The following PRR16 variants were observed in gnomAD, a reference collection of about 807,000 sequenced individuals.
PRR16 encodes the protein protein Largen.
A neutral mutation model predicts 18.2 loss-of-function variants in PRR16; 6 were observed. The ratio of observed to expected loss-of-function variants is 0.33; its 90% CI spans 0.18 to 0.65. The LOEUF is 0.65. PRR16 is among the 30% of genes least tolerant of loss of function. PRR16 has a pLI of 0.74. For synonymous variants in PRR16, 151 were observed against 147.8 expected (o/e 1.02, Z -0.16); for missense variants, 412 against 376.6 (o/e 1.09, Z -0.78).
chr5:120,626,305 T>G (rs1461381025), intron 1 of PRR16, among the ~76,000 whole-genome samples: 1 of 152,034 alleles, frequency 6.6e-6, no homozygotes, highest in African/African-American at 2.4e-5. Flanking sequence ...TGACACATGC[T>G]CCAACATGGA....
chr5:120,510,600 A>G (rs564796104), intron 1 of PRR16, among the ~76,000 whole-genome samples: 1 of 152,308 alleles, frequency 6.6e-6, no homozygotes, highest in South Asian at 2.1e-4. Flanking sequence ...AACTATCGGT[A>G]GCAGCCTACA....
chr5:120,535,564 C>T (rs1224845866), intron 1 of PRR16, among the ~76,000 whole-genome samples: 1 of 152,112 alleles, frequency 6.6e-6, no homozygotes, highest in African/African-American at 2.4e-5. Flanking sequence ...CTTTGGGAGG[C>T]CAAAGCGGGA....
intron 1 of PRR16, among the ~76,000 whole-genome samples, chr5:120,639,867 T>C (rs1755363836): frequency 6.6e-6 from 1 of 151,862 alleles, no homozygotes; most frequent in Non-Finnish European, 1.5e-5. Context: ...TTGTTCATAA[T>C]AGCAAAGACA....
In PRR16 at chr5:120,629,130, C is replaced by T. The variant is rs184816543; in HGVS notation, c.160-56824C>T. 1.6e-3 allele frequency among the ~76,000 whole-genome samples: 239 copies of T among 152,030 alleles called. 1 individual carries two copies. The highest frequency in any genetic ancestry group is 1.5e-3 in the Non-Finnish European group (102 of 67,930). Reference sequence around the variant, plus strand: ...CTCCCACTTATGAGTAAGAACATGTCGTATTTGGTTTCCTATTTCTATGTT... The same window carrying T: ...CTCCCACTTATGAGTAAGAACATGTTGTATTTGGTTTCCTATTTCTATGTT... On this transcript the variant is annotated intron_variant, in intron 1 of 1. Coordinates refer to ENST00000407149, the MANE Select transcript of PRR16 (RefSeq NM_001300783.2).
chr5:120,702,552 C>A, the PRR16 span, among the ~76,000 whole-genome samples: 9 of 152,208 alleles, frequency 5.9e-5, no homozygotes, highest in South Asian at 1.7e-3. Flanking sequence ...GGCGTCCCTG[C>A]GTGGTCTGAC....
Position 120,484,698 on chromosome 5 carries a change from A to G in PRR16, c.159+20053A>G, listed in dbSNP as rs1295615883. Among the ~76,000 whole-genome samples the G allele has an allele frequency of 4.0e-5, 6 of 148,300 alleles. No homozygotes were observed. In the East Asian group the frequency reaches 9.8e-4, roughly 24 times the overall value. On this transcript the variant is annotated intron_variant, in intron 1 of 1. Coordinates refer to ENST00000407149, the MANE Select transcript of PRR16 (RefSeq NM_001300783.2). ...CCTAAAAACTGGAACCTTCAGAAAC[A>G]TGGGATTTTCAGAGTATATCATTTT...
chr5:120,773,307 A>C, the PRR16 span, among the ~76,000 whole-genome samples: 4 of 152,164 alleles, frequency 2.6e-5, no homozygotes, highest in African/African-American at 9.6e-5. Context: ...CTCATATGGC[A>C]GCTCTGGTCT....
At chr5:120,473,229 C>T (rs78257855) in intron 1 of PRR16, among the ~76,000 whole-genome samples, 17,129 of 152,082 alleles carry the variant, frequency 0.11, 1,060 homozygotes, top group South Asian at 0.17. Context: ...TTATGTTTAT[C>T]CAATTATATA....
At chr5:120,616,139 C>G (rs1754502741) in intron 1 of PRR16, among the ~76,000 whole-genome samples, 1 of 152,168 alleles carries the variant, frequency 6.6e-6, no homozygotes, top group Non-Finnish European at 1.5e-5. Flanking sequence ...CAGCGTAGTG[C>G]TCTACAAGTA....
the PRR16 span, among the ~76,000 whole-genome samples, chr5:120,707,839 G>T: frequency 2.6e-5 from 4 of 152,052 alleles, no homozygotes; most frequent in Non-Finnish European, 2.9e-5. Flanking sequence ...AGTTGCCAGG[G>T]GCTCTTAAGG....
intron 1 of PRR16, among the ~76,000 whole-genome samples, chr5:120,592,245 T>G (rs1753661447): frequency 6.6e-6 from 1 of 152,176 alleles, no homozygotes; most frequent in Non-Finnish European, 1.5e-5. Flanking sequence ...TAACATAAAT[T>G]TCAGATTAAA....
intron 1 of PRR16, among the ~76,000 whole-genome samples, chr5:120,567,078 T>C (rs538696448): frequency 1.5e-3 from 232 of 152,312 alleles, no homozygotes; most frequent in African/African-American, 5.3e-3. Flanking sequence ...TTTTGTGCTA[T>C]GCTTTCATAC....
At chr5:120,773,195 A>G in the PRR16 span, among the ~76,000 whole-genome samples, 1 of 152,102 alleles carries the variant, frequency 6.6e-6, no homozygotes, top group African/African-American at 2.4e-5. Context: ...GTATCAGTTA[A>G]GATTAGGTTC....
the PRR16 span, among the ~76,000 whole-genome samples, chr5:120,729,327 G>A: frequency 4.6e-5 from 7 of 152,096 alleles, no homozygotes; most frequent in African/African-American, 9.6e-5. Context: ...AGGTAAATTC[G>A]TGTCTCTCTG....
At chr5:120,707,901 G>A in the PRR16 span, among the ~76,000 whole-genome samples, 2 of 152,136 alleles carry the variant, frequency 1.3e-5, no homozygotes, top group Non-Finnish European at 2.9e-5. Context: ...AAAACATCCT[G>A]GGGTCAGATC....
At chr5:120,711,081 C>A in the PRR16 span, among the ~76,000 whole-genome samples, 1 of 152,164 alleles carries the variant, frequency 6.6e-6, no homozygotes, top group Non-Finnish European at 1.5e-5. Flanking sequence ...CTTCTGCCTT[C>A]CTCTTCAACA....
At position 120,651,349 on chromosome 5, in the gene PRR16, C is replaced by A. The variant is rs919103382; in HGVS notation, c.160-34605C>A. ...TTAGTTTAATTTGATCCCATTTGTC[C>A]ATTTTGGCTTTTGTTGCCATTGTTT... is the stretch of plus-strand genomic sequence containing the variant. On this transcript the variant is annotated intron_variant, in intron 1 of 1. Coordinates refer to ENST00000407149, the MANE Select transcript of PRR16 (RefSeq NM_001300783.2). 3.3e-5 allele frequency among the ~76,000 whole-genome samples: 5 copies of A among 151,986 alleles called. No homozygotes were observed. In the South Asian group the frequency reaches 6.2e-4, roughly 19 times the overall value.
rs372025829 is a variant in PRR16, at chr5:120,604,056, T to C, written c.160-81898T>C. Among the ~76,000 whole-genome samples, 13 of 152,164 alleles carry C rather than the reference T, an allele frequency of 8.5e-5. No homozygotes were observed. In the East Asian group the frequency reaches 2.3e-3, roughly 27 times the overall value. On this transcript the variant is annotated intron_variant, in intron 1 of 1. Transcript: ENST00000407149. Reference sequence around the variant, plus strand: ...GTTGTTGGGTGTAGTATTCTGTAGATGTCTGTTAGGTCCATTTGTTCAAAT... The same window carrying C: ...GTTGTTGGGTGTAGTATTCTGTAGACGTCTGTTAGGTCCATTTGTTCAAAT...
the PRR16 span, among the ~76,000 whole-genome samples, chr5:120,712,599 A>AG: frequency 6.6e-6 from 1 of 152,200 alleles, no homozygotes; most frequent in African/African-American, 2.4e-5. Context: ...AAAATATATA[A>AG]CAAACACAAT....
Sources: gnomAD v4.1 joint callset for allele counts (sites outside exome capture counted in the v4.1 genomes callset) on GRCh38, gnomAD v4.1.1 for gene constraint, MANE v1.5 for transcripts, NCBI Gene and HGNC (gene_info 2026-07-23, HGNC 2026-07-21) for gene names.